The following MSI2 variants were observed in gnomAD, a reference collection of about 807,000 sequenced individuals.
The protein encoded by MSI2 is RNA-binding protein Musashi homolog 2.
Under a neutral mutation model 45.6 loss-of-function variants are expected in MSI2, and 17 were observed. The observed-to-expected ratio is 0.37, with a 90% CI of 0.26 to 0.56. MSI2 has a LOEUF of 0.56. MSI2 is among the 20% of genes least tolerant of loss of function. The pLI, the probability that MSI2 is intolerant of heterozygous loss-of-function variation, is 0.77. For synonymous variants in MSI2, 156 were observed against 158.2 expected, an observed-to-expected ratio of 0.99 and a Z score of 0.11; for missense variants, 293 against 444.2, an observed-to-expected ratio of 0.66 and a Z score of 3.06.
intron 9 of MSI2, among the ~76,000 whole-genome samples, chr17:57,625,042 G>A (rs138752033): frequency 1.1e-3 from 166 of 152,250 alleles, no homozygotes; most frequent in African/African-American, 3.7e-3. Context: ...GTGTCCTCAC[G>A]TGTTGGAAGG....
intron 7 of MSI2, among the ~76,000 whole-genome samples, chr17:57,543,490 C>G (rs527792202): frequency 2.6e-5 from 4 of 152,296 alleles, no homozygotes; most frequent in African/African-American, 9.6e-5. Context: ...CATTTCTACC[C>G]CAGAGGCCAG....
At chr17:57,390,127 A>C (rs1336459520) in intron 5 of MSI2, among the ~76,000 whole-genome samples, 3 of 151,880 alleles carry the variant, frequency 2.0e-5, no homozygotes, top group Non-Finnish European at 2.9e-5. Context: ...TCGTGTGTGC[A>C]TGCTTGTAGT....
chr17:57,269,283 T>C (rs1908126492), intron 5 of MSI2, among the ~76,000 whole-genome samples: 1 of 152,178 alleles, frequency 6.6e-6, no homozygotes, highest in East Asian at 1.9e-4. Context: ...AAGGGCCCAA[T>C]AAGGCAAACT....
chr17:57,497,633 T>C (rs2086007368), intron 6 of MSI2, among the ~76,000 whole-genome samples: 1 of 152,196 alleles, frequency 6.6e-6, no homozygotes, highest in Non-Finnish European at 1.5e-5. Context: ...AGTATGGTCT[T>C]CTAAATACCT....
intron 5 of MSI2, among the ~76,000 whole-genome samples, chr17:57,356,653 T>A (rs577136840): frequency 4.6e-5 from 7 of 152,288 alleles, no homozygotes; most frequent in African/African-American, 7.2e-5. Flanking sequence ...TGTAAAAAAA[T>A]TTTTTTCAAA....
chr17:57,270,618 C>T lies in MSI2; in HGVS notation c.312+8426C>T, dbSNP rs564298164. Among the ~76,000 whole-genome samples, 47 of 152,314 alleles carry T rather than the reference C, an allele frequency of 3.1e-4. 2 individuals are homozygous for T. In the South Asian group the frequency reaches 7.7e-3, roughly 25 times the overall value. On this transcript the variant is annotated intron_variant, in intron 5 of 13. Transcript: ENST00000284073. ...TTAGACAAGTCACTTAGTGGTTTTG[C>T]ACCTCCACTTGTACCTGTTAAATGG...
At chr17:57,290,539 C>T (rs1354979541) in intron 5 of MSI2, among the ~76,000 whole-genome samples, 3 of 152,220 alleles carry the variant, frequency 2.0e-5, no homozygotes, top group African/African-American at 7.2e-5. Context: ...TCTCTAACTC[C>T]TAGCCCCGAG....
chr17:57,566,600 C>T (rs372819572), intron 7 of MSI2, among the ~76,000 whole-genome samples: 2 of 152,258 alleles, frequency 1.3e-5, no homozygotes, highest in African/African-American at 4.8e-5. Context: ...AGTGAGGTAT[C>T]ATTTCAAGAC....
chr17:57,295,800 T>C (rs1229456626), intron 5 of MSI2, among the ~76,000 whole-genome samples: 1 of 152,184 alleles, frequency 6.6e-6, no homozygotes, highest in South Asian at 2.1e-4. Context: ...AACAGCACCG[T>C]CATTTCCTCA....
intron 5 of MSI2, among the ~76,000 whole-genome samples, chr17:57,298,469 G>A (rs1406069738): frequency 2.0e-5 from 3 of 152,126 alleles, no homozygotes; most frequent in African/African-American, 4.8e-5. Context: ...ACTTTGCGAG[G>A]CCAAGGTGGG....
intron 5 of MSI2, among the ~76,000 whole-genome samples, chr17:57,346,653 A>T (rs1915638128): frequency 6.6e-6 from 1 of 151,926 alleles, no homozygotes; most frequent in Admixed American, 6.6e-5. Flanking sequence ...CTGCATTCTG[A>T]CTGAATGCAG....
At chr17:57,459,845 T>C (rs1176997217) in intron 6 of MSI2, among the ~76,000 whole-genome samples, 1 of 151,360 alleles carries the variant, frequency 6.6e-6, no homozygotes, top group Admixed American at 6.6e-5. Flanking sequence ...AATTAAAAAA[T>C]TAGCCGGGCA....
chr17:57,543,876 T>C (rs1047137252), intron 7 of MSI2, among the ~76,000 whole-genome samples: 2 of 152,258 alleles, frequency 1.3e-5, no homozygotes, highest in Non-Finnish European at 2.9e-5. Context: ...ACTCTAGCTT[T>C]TAATGGACAA....
chr17:57,539,333 AATTT>A (rs530662171), intron 7 of MSI2, among the ~76,000 whole-genome samples: 2 of 151,952 alleles, frequency 1.3e-5, no homozygotes, highest in Non-Finnish European at 2.9e-5. Context: ...GAGCTTTTAA[AATTT>A]ATTCCAATTT....
At chr17:57,359,102 G>A (rs915546578) in intron 5 of MSI2, among the ~76,000 whole-genome samples, 1 of 151,926 alleles carries the variant, frequency 6.6e-6, no homozygotes, top group Non-Finnish European at 1.5e-5. Flanking sequence ...CCTTTCTCCC[G>A]CCACTCCCGG....
chr17:57,265,918 G>A (rs1258449641), intron 5 of MSI2: 1 of 152,184 alleles, frequency 6.6e-6, no homozygotes, highest in Admixed American at 6.5e-5. Context: ...TGGCTGTCTG[G>A]AAGAGTTTTG....
intron 6 of MSI2, among the ~76,000 whole-genome samples, chr17:57,512,842 A>T (rs1207620266): frequency 6.6e-6 from 1 of 152,136 alleles, no homozygotes; most frequent in Non-Finnish European, 1.5e-5. Flanking sequence ...CTGTAGAAAG[A>T]GGGAGGTCCT....
At chr17:57,472,892 T>G (rs888079330) in intron 6 of MSI2, among the ~76,000 whole-genome samples, 12 of 151,890 alleles carry the variant, frequency 7.9e-5, no homozygotes, top group Non-Finnish European at 1.6e-4. Flanking sequence ...ACTTTTCTTT[T>G]CTTTCTTTTT....
intron 5 of MSI2, among the ~76,000 whole-genome samples, chr17:57,288,610 G>A (rs560938987): frequency 1.3e-5 from 2 of 152,280 alleles, no homozygotes; most frequent in East Asian, 3.9e-4. Context: ...GCTCTCAGCT[G>A]AGGGTGGATC....
Sources: allele counts gnomAD v4.1 joint callset (sites outside exome capture counted in the v4.1 genomes callset), GRCh38; gene constraint gnomAD v4.1.1; transcripts MANE v1.5; gene names NCBI Gene and HGNC (gene_info 2026-07-23, HGNC 2026-07-21).